Variants in CACHD1 observed in about 807,000 individuals in gnomAD.
CACHD1 encodes cache domain containing 1, also known as VWFA and cache domain-containing protein 1.
Under a neutral mutation model 138.7 loss-of-function variants are expected in CACHD1, and 71 were observed. The observed-to-expected ratio is 0.51, with a 90% CI of 0.42 to 0.62. The LOEUF (loss-of-function observed/expected upper bound fraction) is 0.62, where lower values mean the gene tolerates loss of function less well. Among genes scored for constraint, CACHD1 ranks in the 20% least tolerant of loss-of-function variants. The pLI, the probability that CACHD1 is intolerant of heterozygous loss-of-function variation, is 0.00. For synonymous variants in CACHD1, 578 were observed against 591.5 expected (o/e 0.98, Z 0.33); for missense variants, 1,389 against 1,625.3 (o/e 0.85, Z 2.50).
chr1:64,640,121 G>C (rs1648656184), intron 7 of CACHD1, among the ~76,000 whole-genome samples: 1 of 152,094 alleles, frequency 6.6e-6, no homozygotes, highest in Non-Finnish European at 1.5e-5. Context: ...TCTTTGTCTT[G>C]ATGTCCCATC....
At position 64,622,893 on chromosome 1, in the gene CACHD1, C is replaced by T. The variant is rs1647966960; in HGVS notation, c.518-6462C>T. Among the ~76,000 whole-genome samples the T allele has an allele frequency of 5.3e-5, 8 of 152,264 alleles. No homozygotes were observed. The South Asian group carries it at 1.4e-3, about 28-fold the overall frequency. On this transcript the variant is annotated intron_variant, in intron 4 of 26. Transcript: ENST00000651257. The stretch of plus-strand genomic sequence containing the variant: ...CATCCAATAAACTTCACATGTTTAA[C>T]ATGTGCAGTTAGTAGATTTGGACAT...
chr1:64,627,108 C>A (rs189551360), intron 4 of CACHD1, among the ~76,000 whole-genome samples: 2 of 152,222 alleles, frequency 1.3e-5, no homozygotes, highest in Admixed American at 1.3e-4. Context: ...GCCTGTCTGT[C>A]TCAGATAAAA....
intron 2 of CACHD1, among the ~76,000 whole-genome samples, chr1:64,553,822 G>A (rs1047045662): frequency 8.6e-5 from 13 of 151,908 alleles, no homozygotes; most frequent in Non-Finnish European, 1.6e-4. Flanking sequence ...TTAATTTTGT[G>A]TTTGGCTATT....
intron 1 of CACHD1, among the ~76,000 whole-genome samples, chr1:64,541,478 A>G (rs2100428618): frequency 6.6e-6 from 1 of 152,304 alleles, no homozygotes; most frequent in East Asian, 1.9e-4. Context: ...GAACTTTAGA[A>G]AATGGAGAAA....
At chr1:64,485,617 GTC>G (rs1366198302) in intron 1 of CACHD1, among the ~76,000 whole-genome samples, 1 of 152,106 alleles carries the variant, frequency 6.6e-6, no homozygotes, top group African/African-American at 2.4e-5. Flanking sequence ...GTCTTGCTCT[GTC>G]ACCCAGGCTG....
At chr1:64,648,560 A>G (rs1648986382) in intron 9 of CACHD1, among the ~76,000 whole-genome samples, 1 of 152,206 alleles carries the variant, frequency 6.6e-6, no homozygotes, top group South Asian at 2.1e-4. Context: ...TAGTTAATCT[A>G]GGATTACCTA....
Position 64,567,421 on chromosome 1 carries a change from G to A in CACHD1, c.262-14735G>A, listed in dbSNP as rs531627290. ...GCAAGAATTAGTACACATATAAATC[G>A]TGTTGCATTTTGGAAAAGATTTTAT... On this transcript the variant is annotated intron_variant, in intron 2 of 26. Coordinates refer to ENST00000651257, the MANE Select transcript of CACHD1 (RefSeq NM_020925.4). Among the ~76,000 whole-genome samples, 244 of 152,128 alleles carry A rather than the reference G, an allele frequency of 1.6e-3. 1 individual carries two copies. The highest frequency in any genetic ancestry group is 0.015 in the South Asian group (71 of 4,818).
At chr1:64,569,627 CTG>C (rs1190135691) in intron 2 of CACHD1, among the ~76,000 whole-genome samples, 2 of 152,178 alleles carry the variant, frequency 1.3e-5, no homozygotes, top group Admixed American at 6.5e-5. Flanking sequence ...GTGCCTCTCT[CTG>C]TGTTCCAGCT....
Position 64,522,078 on chromosome 1 carries a change from T to C in CACHD1, c.199-28516T>C, listed in dbSNP as rs115845577. On this transcript the variant is annotated intron_variant, in intron 1 of 26. Coordinates refer to ENST00000651257, the MANE Select transcript of CACHD1 (RefSeq NM_020925.4). Reference sequence around the variant, plus strand: ...TCCCTGTGATTTCTTCTAAAACTTTTATAGATTTAGTTCTTACATTGAGAT... The same window carrying C: ...TCCCTGTGATTTCTTCTAAAACTTTCATAGATTTAGTTCTTACATTGAGAT... Among the ~76,000 whole-genome samples the C allele has an allele frequency of 4.6e-3, 698 of 152,356 alleles. 5 individuals carry two copies. The highest frequency in any genetic ancestry group is 0.016 in the African/African-American group (653 of 41,578).
chr1:64,572,809 C>T (rs970474877), intron 2 of CACHD1, among the ~76,000 whole-genome samples: 12 of 152,140 alleles, frequency 7.9e-5, no homozygotes, highest in Middle Eastern at 3.2e-3. Context: ...ACCTGCAGAT[C>T]GTCTGTCAGC....
chr1:64,648,715 TAA>T (rs1343362785), intron 9 of CACHD1, among the ~76,000 whole-genome samples: 1 of 152,226 alleles, frequency 6.6e-6, no homozygotes, highest in East Asian at 1.9e-4. Context: ...TCCTGATGCC[TAA>T]GTTACCCATA....
At chr1:64,646,142 G>A (rs1011493556) in intron 8 of CACHD1, among the ~76,000 whole-genome samples, 3 of 152,204 alleles carry the variant, frequency 2.0e-5, no homozygotes, top group Middle Eastern at 3.4e-3. Flanking sequence ...TATGTTTTGA[G>A]AGACTCAAGC....
intron 26 of CACHD1, among the ~76,000 whole-genome samples, chr1:64,683,838 G>A (rs1180501636): frequency 6.6e-6 from 1 of 152,172 alleles, no homozygotes; most frequent in African/African-American, 2.4e-5. Context: ...CAGTACGTGG[G>A]TCACTAAAAA....
intron 26 of CACHD1, among the ~76,000 whole-genome samples, chr1:64,684,363 C>CTTTTTTTTT (rs397980387): frequency 1.8e-3 from 101 of 54,792 alleles, no homozygotes; most frequent in Non-Finnish European, 2.4e-3. Context: ...TCTTCTTCTT[C>CTTTTTTTTT]TTTTTTTTTT....
At chr1:64,601,156 T>A (rs1328551644) in intron 3 of CACHD1, among the ~76,000 whole-genome samples, 2 of 152,212 alleles carry the variant, frequency 1.3e-5, no homozygotes, top group African/African-American at 4.8e-5. Context: ...TTTTATGTAT[T>A]TTCAGTAGCT....
chr1:64,477,834 C>T (rs1373021734), intron 1 of CACHD1, among the ~76,000 whole-genome samples: 3 of 149,408 alleles, frequency 2.0e-5, no homozygotes, highest in East Asian at 3.9e-4. Flanking sequence ...CGGGGTTTCA[C>T]CTTGTTAGCC....
chr1:64,519,732 G>GT (rs964401440), intron 1 of CACHD1, among the ~76,000 whole-genome samples: 1 of 24,808 alleles, frequency 4.0e-5, no homozygotes, highest in Non-Finnish European at 4.2e-4. Flanking sequence ...CACATTTTGA[G>GT]TTTTTTTCTT....
At chr1:64,636,307 T>C (rs1371453166) in intron 7 of CACHD1, among the ~76,000 whole-genome samples, 1 of 152,198 alleles carries the variant, frequency 6.6e-6, no homozygotes, top group Non-Finnish European at 1.5e-5. Flanking sequence ...TTATAACTAA[T>C]GATGGTACAT....
In CACHD1 at chr1:64,647,931, G is replaced by A. The variant is rs367628993; in HGVS notation, c.1287G>A (p.Leu429=). The part of the protein sequence containing the change: ...IKGSMMVLNQ[L]SNLETTVGRF... Reference sequence around the variant, plus strand: ...GCAGCATGATGGTGCTGAATCAGTTGAGCAACCTGGAGACCACAGTGGGCA... The same window carrying A: ...GCAGCATGATGGTGCTGAATCAGTTAAGCAACCTGGAGACCACAGTGGGCA... Residue 429 remains leucine (L), a synonymous_variant, in exon 9 of 27, where the codon TTG becomes TTA. Transcript: ENST00000651257. The A allele has an allele frequency of 1.1e-5, 17 of 1,613,984 alleles. No homozygotes were observed. Among genetic ancestry groups the A allele is most frequent in the Non-Finnish European group, 1.4e-5 (16 of 1,180,014 alleles).
Sources: allele counts gnomAD v4.1 joint callset (sites outside exome capture counted in the v4.1 genomes callset), GRCh38; gene constraint gnomAD v4.1.1; transcripts MANE v1.5; gene names NCBI Gene and HGNC (gene_info 2026-07-23, HGNC 2026-07-21).